Variants in NAALADL2 observed in about 807,000 individuals in gnomAD.
NAALADL2 encodes inactive N-acetylated-alpha-linked acidic dipeptidase-like protein 2.
In NAALADL2, 76 loss-of-function variants were observed where a neutral mutation model predicts 87.2. That is an observed-to-expected ratio of 0.87 (90% CI 0.72 to 1.05). The LOEUF (loss-of-function observed/expected upper bound fraction) is 1.05. NAALADL2 is among the 50% of genes least tolerant of loss of function. The pLI, the probability that NAALADL2 is intolerant of heterozygous loss-of-function variation, is 0.00. For synonymous variants in NAALADL2, 354 were observed against 331.0 expected (o/e 1.07, Z -0.75); for missense variants, 1,089 against 945.8 (o/e 1.15, Z -1.99).
chr3:174,695,846 A>C (rs1728966444), intron 2 of NAALADL2, among the ~76,000 whole-genome samples: 1 of 151,878 alleles, frequency 6.6e-6, no homozygotes, highest in South Asian at 2.1e-4. Context: ...CATCCAATAA[A>C]TCATAGCCTG....
intron 1 of NAALADL2, among the ~76,000 whole-genome samples, chr3:174,961,383 T>TA (rs1165451715): frequency 2.0e-5 from 3 of 151,930 alleles, no homozygotes; most frequent in Non-Finnish European, 4.4e-5. Context: ...ATAATATTGC[T>TA]AAAAAAATCT....
At chr3:175,525,083 T>C (rs1582251713) in intron 9 of NAALADL2, among the ~76,000 whole-genome samples, 1 of 152,076 alleles carries the variant, frequency 6.6e-6, no homozygotes, top group Non-Finnish European at 1.5e-5. Flanking sequence ...TATAAAGTGA[T>C]ATATGTGTAT....
intron 2 of NAALADL2, among the ~76,000 whole-genome samples, chr3:174,585,411 A>G (rs1041412090): frequency 2.0e-5 from 3 of 152,222 alleles, no homozygotes; most frequent in East Asian, 1.9e-4. Flanking sequence ...TATCAGTAAC[A>G]TGACTTCACA....
In NAALADL2 at chr3:174,787,576, C is replaced by CATATATATATATAT. The variant is rs71300440; in HGVS notation, c.-9+49862_-9+49875dup. Among the ~76,000 whole-genome samples the CATATATATATATAT allele has an allele frequency of 1.6e-3, 23 of 14,730 alleles. 2 individuals carry two copies. The highest frequency in any genetic ancestry group is 1.6e-3 in the African/African-American group (9 of 5,554). 9.7% of individuals were successfully genotyped at this position (14,730 alleles called of 152,430 possible). A position where few individuals can be genotyped will look rare whatever the true frequency, so the allele number is the denominator to read the frequency against. On this transcript the variant is annotated intron_variant, in intron 3 of 3. Transcript: ENST00000434257. ...TTAATAGAAGAAGGCAATATATCATCATATATATATATATATATATATATA... is the reference window on the plus strand; with the variant it reads ...TTAATAGAAGAAGGCAATATATCATCATATATATATATATATATATATATATATATATATATATA...
At chr3:174,777,999 G>C (rs1264574920) in intron 3 of NAALADL2, among the ~76,000 whole-genome samples, 1 of 152,084 alleles carries the variant, frequency 6.6e-6, no homozygotes. Context: ...GGATGATATA[G>C]TACTAGCATT....
intron 11 of NAALADL2, among the ~76,000 whole-genome samples, chr3:175,645,103 C>T (rs894142908): frequency 2.0e-5 from 3 of 151,642 alleles, no homozygotes; most frequent in African/African-American, 7.3e-5. Context: ...AAATAAGACT[C>T]AGGCGAAGCT....
intron 9 of NAALADL2, among the ~76,000 whole-genome samples, chr3:175,555,485 T>A (rs893217312): frequency 4.6e-5 from 7 of 152,178 alleles, no homozygotes; most frequent in African/African-American, 1.4e-4. Flanking sequence ...TTTAAGGCAC[T>A]CTTTAAACAA....
At chr3:174,734,442 T>C (rs1403069545) in intron 2 of NAALADL2, among the ~76,000 whole-genome samples, 2 of 152,170 alleles carry the variant, frequency 1.3e-5, no homozygotes, top group African/African-American at 2.4e-5. Flanking sequence ...TACTGGGAAG[T>C]CCAAGATCAA....
At chr3:174,716,593 A>C (rs1007424716) in intron 2 of NAALADL2, among the ~76,000 whole-genome samples, 1 of 152,030 alleles carries the variant, frequency 6.6e-6, no homozygotes, top group Non-Finnish European at 1.5e-5. Context: ...CATTAATAGA[A>C]TTATTTTCCA....
At chr3:175,202,598 C>T (rs1379678221) in intron 2 of NAALADL2, among the ~76,000 whole-genome samples, 2 of 152,140 alleles carry the variant, frequency 1.3e-5, no homozygotes, top group African/African-American at 4.8e-5. Flanking sequence ...TGGTGGGCCT[C>T]CTGCCTGGAG....
intron 3 of NAALADL2, among the ~76,000 whole-genome samples, chr3:174,839,874 G>A (rs536577811): frequency 1.5e-3 from 226 of 152,120 alleles, no homozygotes; most frequent in African/African-American, 5.2e-3. Flanking sequence ...TGGATGCGGT[G>A]AACAGGGAAC....
intron 1 of NAALADL2, among the ~76,000 whole-genome samples, chr3:174,942,732 G>A (rs56339552): frequency 0.027 from 4,176 of 151,972 alleles, 73 homozygotes; most frequent in Non-Finnish European, 0.041. Context: ...TGTTTGCTCC[G>A]TTTTATTATT....
chr3:175,327,720 G>A (rs1760910453), intron 5 of NAALADL2, among the ~76,000 whole-genome samples: 1 of 152,000 alleles, frequency 6.6e-6, no homozygotes, highest in Admixed American at 6.6e-5. Context: ...TAAATAAATG[G>A]GGGGAAGTTA....
chr3:174,890,325 C>G (rs927886500), intron 1 of NAALADL2, among the ~76,000 whole-genome samples: 5 of 152,050 alleles, frequency 3.3e-5, no homozygotes, highest in African/African-American at 4.8e-5. Context: ...CTGTTATATA[C>G]AGAGAACAGT....
chr3:174,532,694 A>T (rs1473003204), intron 1 of NAALADL2, among the ~76,000 whole-genome samples: 2 of 152,052 alleles, frequency 1.3e-5, no homozygotes, highest in African/African-American at 4.8e-5. Context: ...TGCTCTAAGA[A>T]TTTCCACGTT....
At chr3:174,571,749 T>C (rs954691537) in intron 2 of NAALADL2, among the ~76,000 whole-genome samples, 9 of 152,106 alleles carry the variant, frequency 5.9e-5, no homozygotes, top group Non-Finnish European at 1.0e-4. Flanking sequence ...AAAGATAAGG[T>C]TATACAAGCA....
intron 9 of NAALADL2, among the ~76,000 whole-genome samples, chr3:175,512,269 T>A (rs1015977981): frequency 6.6e-6 from 1 of 152,110 alleles, no homozygotes; most frequent in African/African-American, 2.4e-5. Flanking sequence ...AAAAGAAACA[T>A]GTTTCTTGAA....
chr3:175,148,400 T>C (rs7620440), intron 2 of NAALADL2, among the ~76,000 whole-genome samples: 13,407 of 151,838 alleles, frequency 0.088, 1,552 homozygotes, highest in African/African-American at 0.27. Context: ...TGTCTGTTGA[T>C]TTTGTTGATA....
intron 11 of NAALADL2, among the ~76,000 whole-genome samples, chr3:175,726,052 G>A (rs1344948741): frequency 1.3e-5 from 2 of 151,924 alleles, no homozygotes; most frequent in South Asian, 2.1e-4. Flanking sequence ...ACATACTGTG[G>A]TCCCTCTCTA....
Sources: gnomAD v4.1 joint callset for allele counts (sites outside exome capture counted in the v4.1 genomes callset) on GRCh38, gnomAD v4.1.1 for gene constraint, MANE v1.5 for transcripts, NCBI Gene and HGNC (gene_info 2026-07-23, HGNC 2026-07-21) for gene names.